Variants in MYCBP2 observed in about 807,000 individuals in gnomAD.
MYCBP2 encodes E3 ubiquitin-protein ligase MYCBP2.
In MYCBP2, 120 loss-of-function variants were observed where a neutral mutation model predicts 525.3. The observed-to-expected ratio is 0.23, with a 90% confidence interval of 0.20 to 0.27. The LOEUF (loss-of-function observed/expected upper bound fraction) is 0.27. Among genes scored for constraint, MYCBP2 ranks in the 10% least tolerant of loss-of-function variants. MYCBP2 has a pLI of 1.00. For synonymous variants in MYCBP2, 1,894 were observed against 1,955.8 expected (o/e 0.97, Z 0.83); for missense variants, 4,149 against 5,657.1 (o/e 0.73, Z 8.55).
At chr13:77,101,291 T>A (rs2047023492) in intron 55 of MYCBP2, among the ~76,000 whole-genome samples, 1 of 152,112 alleles carries the variant, frequency 6.6e-6, no homozygotes, top group African/African-American at 2.4e-5. Context: ...GTAGGATTTC[T>A]AACAAATAGG....
intron 14 of MYCBP2, among the ~76,000 whole-genome samples, chr13:77,255,298 G>C (rs2071977722): frequency 6.6e-6 from 1 of 151,744 alleles, no homozygotes; most frequent in Non-Finnish European, 1.5e-5. Flanking sequence ...CAATCAGTAT[G>C]CACTGTATGT....
intron 5 of MYCBP2, among the ~76,000 whole-genome samples, chr13:77,272,102 C>T (rs958147437): frequency 2.0e-5 from 3 of 152,186 alleles, no homozygotes; most frequent in Non-Finnish European, 2.9e-5. Flanking sequence ...GATAAGCCCT[C>T]GAGTCCTGTC....
chr13:77,270,572 AT>A, intron 5 of MYCBP2, 34 bp from the exon 6 acceptor site: 1 of 1,559,060 alleles, frequency 6.4e-7, no homozygotes, highest in Non-Finnish European at 8.7e-7. Flanking sequence ...ATGAAAAAAC[AT>A]TTTTAAATGT....
At chr13:77,273,437 T>G (rs761111396) in intron 5 of MYCBP2, 35 bp downstream of exon 5, 33 of 1,510,034 alleles carry the variant, frequency 2.2e-5, no homozygotes, top group Non-Finnish European at 2.4e-5. Flanking sequence ...ACTTGTCATC[T>G]TATAAACTTC....
intron 55 of MYCBP2, among the ~76,000 whole-genome samples, chr13:77,116,705 G>A (rs950631868): frequency 6.6e-6 from 1 of 151,986 alleles, no homozygotes; most frequent in Non-Finnish European, 1.5e-5. Context: ...GGTAAATAAA[G>A]TGGTGGTACT....
Position 77,157,796 on chromosome 13 carries a change from C to G in MYCBP2, c.6770+141G>C, listed in dbSNP as rs2057391788. 3 of 680,724 alleles carry G rather than the reference C, an allele frequency of 4.4e-6. No homozygotes were observed. The East Asian group carries it at 9.0e-5, about 20-fold the overall frequency. The allele number at this position is 680,724 out of a possible 1,614,324, so 42.2% of individuals were successfully genotyped here. A position where few individuals can be genotyped will look rare whatever the true frequency, so the allele number is the denominator to read the frequency against. On this transcript the variant is annotated intron_variant, in intron 45 of 82. Transcript: ENST00000544440. ...ACCGCCAAACAAAAATATTAACTATCATTTTATATTTCAGCAAGTTAAACA... is the reference window on the plus strand; with the variant it reads ...ACCGCCAAACAAAAATATTAACTATGATTTTATATTTCAGCAAGTTAAACA...
intron 26 of MYCBP2, among the ~76,000 whole-genome samples, chr13:77,197,471 A>G (rs2061877231): frequency 6.6e-6 from 1 of 152,226 alleles, no homozygotes; most frequent in Non-Finnish European, 1.5e-5. Flanking sequence ...CAGTTGAGAT[A>G]TTATGACTGA....
At chr13:77,051,663 A>G in intron 81 of MYCBP2, 148 bp downstream of exon 81, 2 of 536,446 alleles carry the variant, frequency 3.7e-6, no homozygotes, top group South Asian at 8.2e-5. Flanking sequence ...ATATATATGA[A>G]ATAATGTGAA....
At chr13:77,152,782 G>A (rs1175172835) in intron 46 of MYCBP2, among the ~76,000 whole-genome samples, 1 of 152,060 alleles carries the variant, frequency 6.6e-6, no homozygotes, top group Non-Finnish European at 1.5e-5. Context: ...AAAATCCGCC[G>A]TGGCTGGGCG....
chr13:77,227,684 T>C (rs760402456), intron 18 of MYCBP2, among the ~76,000 whole-genome samples: 9 of 152,196 alleles, frequency 5.9e-5, no homozygotes, highest in Non-Finnish European at 1.2e-4. Flanking sequence ...ACATTTCAAG[T>C]ATCATTCCAC....
At chr13:77,325,856 C>G (rs967359279) in intron 1 of MYCBP2, among the ~76,000 whole-genome samples, 1 of 152,214 alleles carries the variant, frequency 6.6e-6, no homozygotes. Context: ...CGCATCCACA[C>G]AGATCTCCAT....
Position 77,098,098 on chromosome 13 carries a change from G to C in MYCBP2, c.9056C>G (p.Ala3019Gly). The C allele has an allele frequency of 6.2e-7, 1 of 1,613,308 alleles. No individual in the cohort carries two copies. The highest frequency in any genetic ancestry group is 2.2e-5 in the East Asian group (1 of 44,840). Reference protein sequence around the residue: ...KGDGSKPLEPAKQAMSPSVAE... With the variant: ...KGDGSKPLEPGKQAMSPSVAE... Reference sequence around the variant, plus strand: ...CACAGAAGGAGACATGGCTTGCTTGGCTGGCTCTAAAGGCTTGGATCCATC... The same window carrying C: ...CACAGAAGGAGACATGGCTTGCTTGCCTGGCTCTAAAGGCTTGGATCCATC... Residue 3019 changes from alanine to glycine, a missense_variant, in exon 56 of 83, where the codon GCC (alanine) becomes GGC (glycine). This residue lies in a region of MYCBP2 where 653 missense variants were observed against 744.7 expected (regional missense o/e 0.88). Coordinates refer to ENST00000544440, the MANE Select transcript of MYCBP2 (RefSeq NM_015057.5).
At chr13:77,105,159 T>C (rs1301279315) in intron 55 of MYCBP2, among the ~76,000 whole-genome samples, 3 of 152,038 alleles carry the variant, frequency 2.0e-5, no homozygotes, top group Non-Finnish European at 4.4e-5. Flanking sequence ...CTGCTAAAAA[T>C]CTGTGAAGAC....
At chr13:77,258,036 C>G (rs959299975) in intron 13 of MYCBP2, among the ~76,000 whole-genome samples, 2 of 152,146 alleles carry the variant, frequency 1.3e-5, no homozygotes, top group Non-Finnish European at 2.9e-5. Flanking sequence ...ACATTATCAT[C>G]CAGACTTGGG....
Position 77,260,564 on chromosome 13 carries a change from A to G in MYCBP2, c.1881T>C (p.Tyr627=), listed in dbSNP as rs200056944. The G allele has an allele frequency of 1.4e-4, 219 of 1,609,170 alleles. No individual in the cohort carries two copies. The highest frequency in any genetic ancestry group is 6.8e-5 in the Admixed American group (4 of 59,074). The change falls in exon 13 of 83, where the codon TAT becomes TAC. Residue 627 remains tyrosine (Y), a synonymous_variant. Transcript: ENST00000544440. ...CCATCTTAATTATCTTTTTAGGTTT[A>G]TAAGGTTTGGATTGCCGTCTGCTCT... is the stretch of plus-strand genomic sequence containing the variant. ...STKSRRQSKP[Y]KPKKIIKMEG... is the part of the protein sequence containing the mutation.
chr13:77,060,863 T>C (rs1447035484), intron 76 of MYCBP2, among the ~76,000 whole-genome samples: 1 of 152,194 alleles, frequency 6.6e-6, no homozygotes, highest in African/African-American at 2.4e-5. Flanking sequence ...AATAGAAATG[T>C]ATTTTATCTA....
chr13:77,061,657 T>C lies in MYCBP2; in HGVS notation c.12903+5A>G. On this transcript the variant is annotated splice_donor_5th_base_variant and intron_variant, in intron 75 of 82. Coordinates refer to ENST00000544440, the MANE Select transcript of MYCBP2 (RefSeq NM_015057.5). ...ATTTTATGCTCCAGAGACAAAAATC[T>C]TCACCTGTCTTTGATGAGTTTTGGT... 6.2e-7 allele frequency: 1 copy of C among 1,608,946 alleles called. No individual in the cohort carries two copies. Among genetic ancestry groups the C allele is most frequent in the South Asian group, 1.1e-5 (1 of 89,716 alleles).
At chr13:77,297,369 G>T (rs1490010919) in intron 1 of MYCBP2, among the ~76,000 whole-genome samples, 2 of 152,202 alleles carry the variant, frequency 1.3e-5, no homozygotes, top group East Asian at 3.8e-4. Flanking sequence ...GACAGTTCTT[G>T]TCCCCAAGGA....
At position 77,225,529 on chromosome 13, in the gene MYCBP2, C is replaced by G. The variant is rs770516113; in HGVS notation, c.2763G>C (p.Lys921Asn). 13 of 1,613,436 alleles carry G rather than the reference C, an allele frequency of 8.1e-6. No individual in the cohort carries two copies. The highest frequency in any genetic ancestry group is 1.0e-5 in the Non-Finnish European group (12 of 1,179,646). The change falls in exon 19 of 83, where the codon AAG (lysine) becomes AAC (asparagine). Residue 921 changes from lysine to asparagine, a missense_variant. Lys to Asn is a moderately conservative substitution (Grantham distance 94). This residue lies in a region of MYCBP2 where 620 missense variants were observed against 795.5 expected (regional missense o/e 0.78). Coordinates refer to ENST00000544440, the MANE Select transcript of MYCBP2 (RefSeq NM_015057.5). ...HKDGSGERGEKDASKITTYPP... is the reference protein window; with the variant it reads ...HKDGSGERGENDASKITTYPP... ...GGTATGTTGTGATTTTGCTTGCATC[C>G]TTTTCGCCTCTTTCTCCACTTCCAT...
Sources: gnomAD v4.1 joint callset for allele counts (sites outside exome capture counted in the v4.1 genomes callset) on GRCh38, gnomAD v4.1.1 for gene constraint, gnomAD v4.1.1 regional missense constraint, MANE v1.5 for transcripts, NCBI Gene and HGNC (gene_info 2026-07-23, HGNC 2026-07-21) for gene names.